Variants in DLC1 observed in about 807,000 individuals in gnomAD.
DLC1 encodes the protein DLC1 Rho GTPase activating protein, also known as rho GTPase-activating protein 7.
DLC1 carries 54 observed loss-of-function variants against 140.3 expected under a neutral mutation model. That is an observed-to-expected ratio of 0.38 (90% CI 0.31 to 0.48). The LOEUF is 0.48. Among genes scored for constraint, DLC1 ranks in the 20% least tolerant of loss-of-function variants. The probability of loss-of-function intolerance (pLI) is 0.96; values close to 1 mark genes in which losing one functional copy is unlikely to be tolerated. For synonymous variants in DLC1, 986 were observed against 728.1 expected, an observed-to-expected ratio of 1.35 and a Z score of -5.70; for missense variants, 2,536 against 1,907.0, an observed-to-expected ratio of 1.33 and a Z score of -6.14.
chr8:13,417,587 C>T (rs1306151529), intron 2 of DLC1, among the ~76,000 whole-genome samples: 1 of 151,890 alleles, frequency 6.6e-6, no homozygotes, highest in Admixed American at 6.6e-5. Flanking sequence ...ATATGTGCCA[C>T]ATTTTCTTAA....
intron 4 of DLC1, among the ~76,000 whole-genome samples, chr8:13,307,949 A>G (rs570554461): frequency 4.1e-4 from 63 of 152,322 alleles, no homozygotes; most frequent in Middle Eastern, 3.4e-3. Flanking sequence ...ATTTACTTAG[A>G]ACACAAAATA....
intron 5 of DLC1, among the ~76,000 whole-genome samples, chr8:13,199,574 A>C (rs1003275112): frequency 5.3e-5 from 8 of 152,070 alleles, no homozygotes; most frequent in Admixed American, 5.2e-4. Context: ...CCTTCTGTCT[A>C]TTGTATTTTT....
chr8:13,244,120 C>G (rs1040813157), intron 5 of DLC1, among the ~76,000 whole-genome samples: 3 of 152,264 alleles, frequency 2.0e-5, no homozygotes, highest in Non-Finnish European at 2.9e-5. Flanking sequence ...AATTATTTTA[C>G]TTTCTAAATA....
intron 1 of DLC1, among the ~76,000 whole-genome samples, chr8:13,600,290 C>G (rs4531057): frequency 6.6e-6 from 1 of 151,570 alleles, no homozygotes; most frequent in Non-Finnish European, 1.5e-5. Flanking sequence ...TAGAATTCAA[C>G]GATCAAAACT....
intron 1 of DLC1, among the ~76,000 whole-genome samples, chr8:13,591,948 T>C (rs188129225): frequency 1.3e-5 from 2 of 152,068 alleles, no homozygotes; most frequent in Non-Finnish European, 2.9e-5. Flanking sequence ...GATATTCTTG[T>C]GGAGTTTTAA....
intron 4 of DLC1, among the ~76,000 whole-genome samples, chr8:13,348,550 A>C (rs533994713): frequency 6.6e-6 from 1 of 152,214 alleles, no homozygotes; most frequent in Non-Finnish European, 1.5e-5. Flanking sequence ...CATAAGAAAG[A>C]TGATGAACAC....
intron 5 of DLC1, among the ~76,000 whole-genome samples, chr8:13,143,563 C>G (rs1035978766): frequency 1.3e-5 from 2 of 151,910 alleles, no homozygotes; most frequent in Non-Finnish European, 2.9e-5. Flanking sequence ...TCAAGTGATC[C>G]TTCCTCCTCC....
chr8:13,196,979 T>C lies in DLC1; in HGVS notation c.1349-81322A>G, dbSNP rs530429693. Among the ~76,000 whole-genome samples, 5 of 152,368 alleles carry C rather than the reference T, an allele frequency of 3.3e-5. No homozygotes were observed. In the East Asian group the frequency reaches 9.6e-4, roughly 29 times the overall value. Reference sequence around the variant, plus strand: ...CTTTCTTGATGTCTTCTTGAAAGTATGTTTATGCAAGACAAAGTACCTGAT... The same window carrying C: ...CTTTCTTGATGTCTTCTTGAAAGTACGTTTATGCAAGACAAAGTACCTGAT... On this transcript the variant is annotated intron_variant, in intron 5 of 17. Coordinates refer to ENST00000276297, the MANE Select transcript of DLC1 (RefSeq NM_182643.3).
chr8:13,318,064 G>A (rs1337148059), intron 4 of DLC1, among the ~76,000 whole-genome samples: 1 of 152,026 alleles, frequency 6.6e-6, no homozygotes, highest in Non-Finnish European at 1.5e-5. Context: ...GTCTTTTTGT[G>A]TTACCCAGGA....
chr8:13,088,630 C>T lies in DLC1; in HGVS notation c.4149G>A (p.Lys1383=). ...EVPAVPEEIL[K]RLLKEQHLWD... ...AGAGGTGCTGTTCTTTAAGTAGGCG[C>T]TTTAAGATTTCCTCTGGCACAGCAG... Residue 1383 remains lysine (K), a synonymous_variant, in exon 16 of 18, where the codon AAG becomes AAA. Transcript: ENST00000276297. The T allele has an allele frequency of 2.5e-6, 4 of 1,614,158 alleles. No individual in the cohort carries two copies. The highest frequency in any genetic ancestry group is 1.6e-4 in the Middle Eastern group (1 of 6,062).
chr8:13,578,106 C>T (rs1388560823), intron 1 of DLC1, among the ~76,000 whole-genome samples: 1 of 152,018 alleles, frequency 6.6e-6, no homozygotes, highest in Non-Finnish European at 1.5e-5. Context: ...AACCAACTCC[C>T]TGGGAGTTGG....
At chr8:13,476,243 A>C (rs974917149) in intron 2 of DLC1, among the ~76,000 whole-genome samples, 1 of 152,216 alleles carries the variant, frequency 6.6e-6, no homozygotes, top group Non-Finnish European at 1.5e-5. Context: ...TGAACATCCA[A>C]TGATAATAGC....
At chr8:13,363,723 T>A (rs946690236) in intron 4 of DLC1, among the ~76,000 whole-genome samples, 1 of 152,158 alleles carries the variant, frequency 6.6e-6, no homozygotes. Flanking sequence ...CAACTTTATT[T>A]TCCATTGTAG....
At chr8:13,440,583 T>C (rs148393917) in intron 2 of DLC1, among the ~76,000 whole-genome samples, 1 of 152,026 alleles carries the variant, frequency 6.6e-6, no homozygotes, top group Non-Finnish European at 1.5e-5. Flanking sequence ...CTATGTAACA[T>C]AGGAATATTT....
chr8:13,409,362 G>A (rs1042897140), intron 2 of DLC1, among the ~76,000 whole-genome samples: 1 of 152,068 alleles, frequency 6.6e-6, no homozygotes, highest in Admixed American at 6.6e-5. Context: ...TACAAGTAGA[G>A]AGCTTGTTTT....
chr8:13,152,200 C>T (rs1054425761), intron 5 of DLC1, among the ~76,000 whole-genome samples: 25 of 152,164 alleles, frequency 1.6e-4, no homozygotes, highest in Non-Finnish European at 2.9e-4. Context: ...AAAGTGGCAG[C>T]AGTGCCAGGT....
intron 1 of DLC1, among the ~76,000 whole-genome samples, chr8:13,556,481 C>T (rs1804049458): frequency 6.6e-6 from 1 of 152,206 alleles, no homozygotes. Flanking sequence ...GAATACCCGG[C>T]AGGGGGTCCA....
At chr8:13,368,781 T>G (rs1004038998) in intron 4 of DLC1, among the ~76,000 whole-genome samples, 1 of 152,152 alleles carries the variant, frequency 6.6e-6, no homozygotes, top group Non-Finnish European at 1.5e-5. Flanking sequence ...ATAAGTGATA[T>G]GGATGTTAGT....
chr8:13,224,365 G>A (rs544092074), intron 5 of DLC1, among the ~76,000 whole-genome samples: 3 of 152,328 alleles, frequency 2.0e-5, no homozygotes, highest in African/African-American at 4.8e-5. Flanking sequence ...AGAAGAACTT[G>A]TCCATGATCA....
Sources: allele counts gnomAD v4.1 joint callset (sites outside exome capture counted in the v4.1 genomes callset), GRCh38; gene constraint gnomAD v4.1.1; transcripts MANE v1.5; gene names NCBI Gene and HGNC (gene_info 2026-07-23, HGNC 2026-07-21).